The following COBLL1 variants were observed in gnomAD, a reference collection of about 807,000 sequenced individuals.
COBLL1 encodes the protein cordon-bleu protein-like 1.
In COBLL1, 50 loss-of-function variants were observed where a neutral mutation model predicts 94.8. That is an observed-to-expected ratio of 0.53 (90% CI 0.42 to 0.67). The LOEUF (loss-of-function observed/expected upper bound fraction) is 0.67, where lower values mean the gene tolerates loss of function less well. Among genes scored for constraint, COBLL1 ranks in the 30% least tolerant of loss-of-function variants. The pLI is 0.00. For missense variants in COBLL1, 1,362 were observed against 1,348.7 expected (o/e 1.01, Z -0.15); for synonymous variants, 448 against 473.8 (o/e 0.95, Z 0.71).
At position 164,682,152 on chromosome 2, in the gene COBLL1, C is replaced by G. The variant is rs375265981; in HGVS notation, c.*3794G>C. On this transcript the variant is annotated 3_prime_UTR_variant, in exon 14 of 14. Coordinates refer to ENST00000652658, the MANE Select transcript of COBLL1 (RefSeq NM_001365672.2). ...TGCTTCTGTGACCTTTGTAAAGTAG[C>G]AATCTTTGCACACCTTTTAAATATG... 3 of 152,230 alleles carry G rather than the reference C, an allele frequency of 2.0e-5. No individual in the cohort carries two copies. Among genetic ancestry groups the G allele is most frequent in the African/African-American group, 7.2e-5 (3 of 41,552 alleles). 9.4% of individuals were successfully genotyped at this position (152,230 alleles called of 1,614,324 possible).
At chr2:164,659,150 CTT>C (rs2105381197) in intron 2 of COBLL1, among the ~76,000 whole-genome samples, 1 of 152,230 alleles carries the variant, frequency 6.6e-6, no homozygotes, top group African/African-American at 2.4e-5. Flanking sequence ...TATATTTACT[CTT>C]TTTCCTTCTC....
At position 164,787,712 on chromosome 2, in the gene COBLL1, G is replaced by A. The variant is rs2105289666; in HGVS notation, c.42-43837C>T. Among the ~76,000 whole-genome samples the A allele has an allele frequency of 1.3e-5, 2 of 152,082 alleles. 1 individual carries two copies. The highest frequency in any genetic ancestry group is 4.8e-5 in the African/African-American group (2 of 41,484). ...ATTGAGTACTTGAAGAAACACCAGG[G>A]CTACACTTTCACCTGCAACCTCAAT... On this transcript the variant is annotated intron_variant, in intron 2 of 13. Transcript: ENST00000652658.
At chr2:164,719,077 A>G (rs1685319283) in intron 7 of COBLL1, among the ~76,000 whole-genome samples, 1 of 152,164 alleles carries the variant, frequency 6.6e-6, no homozygotes, top group Non-Finnish European at 1.5e-5. Flanking sequence ...AATTTCAAAG[A>G]CACATTAAGT....
chr2:164,822,660 A>G (rs1685220740), intron 2 of COBLL1, among the ~76,000 whole-genome samples: 2 of 144,254 alleles, frequency 1.4e-5, no homozygotes, highest in African/African-American at 5.1e-5. Context: ...GGAAAATTTC[A>G]ATATGGGTAG....
rs1255174024 is a variant in COBLL1, at chr2:164,684,476, GTATCTATA to G, written c.*1462_*1469del. The G allele has an allele frequency of 1.3e-5, 2 of 151,960 alleles. No individual in the cohort carries two copies. Among genetic ancestry groups the G allele is most frequent in the Non-Finnish European group, 2.9e-5 (2 of 67,976 alleles). The allele number at this position is 151,960 out of a possible 1,614,324, so 9.4% of individuals were successfully genotyped here. A position where few individuals can be genotyped will look rare whatever the true frequency, so the allele number is the denominator to read the frequency against. On this transcript the variant is annotated 3_prime_UTR_variant, in exon 14 of 14. Coordinates refer to ENST00000652658, the MANE Select transcript of COBLL1 (RefSeq NM_001365672.2). Reference sequence around the variant, plus strand: ...ACTTGCTTATAACAACATAACTTAAGTATCTATATATGAGGGTCTCTCCAACTGATTCA... The same window carrying G: ...ACTTGCTTATAACAACATAACTTAAGTATGAGGGTCTCTCCAACTGATTCA...
At chr2:164,768,552 G>A (rs1688049419) in intron 2 of COBLL1, among the ~76,000 whole-genome samples, 2 of 152,056 alleles carry the variant, frequency 1.3e-5, no homozygotes, top group Non-Finnish European at 2.9e-5. Flanking sequence ...CAGAAGCATA[G>A]CTTTCCAGAA....
At chr2:164,725,499 C>T (rs949401209) in intron 5 of COBLL1, among the ~76,000 whole-genome samples, 4 of 152,092 alleles carry the variant, frequency 2.6e-5, no homozygotes, top group African/African-American at 4.8e-5. Flanking sequence ...CTCACCACAG[C>T]CCTGACCTCC....
chr2:164,734,675 T>C (rs1686205761), intron 3 of COBLL1, among the ~76,000 whole-genome samples: 1 of 152,134 alleles, frequency 6.6e-6, no homozygotes. Flanking sequence ...GGATTGAAGC[T>C]AATGCAGAAA....
chr2:164,787,249 T>C (rs1200930068), intron 2 of COBLL1, among the ~76,000 whole-genome samples: 2 of 152,162 alleles, frequency 1.3e-5, no homozygotes, highest in Admixed American at 6.6e-5. Flanking sequence ...TTGCACTCCA[T>C]TACCACTAGG....
intron 1 of COBLL1, among the ~76,000 whole-genome samples, chr2:164,674,469 G>A (rs759380914): frequency 2.6e-5 from 4 of 152,158 alleles, no homozygotes; most frequent in Non-Finnish European, 4.4e-5. Context: ...CTGGGTTCAT[G>A]TTCTGGCTTT....
Position 164,727,203 on chromosome 2 carries a change from G to A in COBLL1, c.661+766C>T, listed in dbSNP as rs910351917. ...GACTGTGAAGATGATGTTTGTTCAAGTATAAAACATCACTGAGTTGAAAAA... is the reference window on the plus strand; with the variant it reads ...GACTGTGAAGATGATGTTTGTTCAAATATAAAACATCACTGAGTTGAAAAA... On this transcript the variant is annotated intron_variant, in intron 5 of 13. Transcript: ENST00000652658. 10 of 940,744 alleles carry A rather than the reference G, an allele frequency of 1.1e-5. No homozygotes were observed. In the African/African-American group the frequency reaches 1.7e-4, roughly 16 times the overall value. The allele number at this position is 940,744 out of a possible 1,614,324, so 58.3% of individuals were successfully genotyped here.
At chr2:164,832,948 TAGG>T (rs1413597614) in intron 2 of COBLL1, among the ~76,000 whole-genome samples, 6 of 149,022 alleles carry the variant, frequency 4.0e-5, no homozygotes, top group African/African-American at 1.5e-4. Context: ...GAGGTTGAGG[TAGG>T]AGAATTGCTT....
chr2:164,804,751 C>G (rs1216372160), intron 2 of COBLL1, among the ~76,000 whole-genome samples: 1 of 152,154 alleles, frequency 6.6e-6, no homozygotes, highest in African/African-American at 2.4e-5. Context: ...AAAACACTTA[C>G]CTGGTTTACG....
At chr2:164,735,067 G>A (rs1164435611) in intron 3 of COBLL1, among the ~76,000 whole-genome samples, 3 of 152,198 alleles carry the variant, frequency 2.0e-5, no homozygotes, top group Non-Finnish European at 4.4e-5. Flanking sequence ...TTAAGCAGCA[G>A]AGTGACCTCA....
chr2:164,728,017 G>C lies in COBLL1; in HGVS notation c.613C>G (p.Leu205Val), dbSNP rs1186439030. The stretch of plus-strand genomic sequence containing the variant: ...AATTCTCTTAGTCCCAGGTCATTAA[G>C]AGATTTTGTCAAGTCAAGAGGCTCC... ...SQEPLDLTKS[L>V]NDLGLRELYA... is the part of the protein sequence containing the mutation. The change falls in exon 5 of 14, where the codon CTT becomes GTT. Residue 205 changes from leucine to valine, a missense_variant. Physicochemically the swap from Leu to Val is conservative, Grantham distance 32. Transcript: ENST00000652658. 6.2e-7 allele frequency: 1 copy of C among 1,613,640 alleles called. No individual in the cohort carries two copies. Among genetic ancestry groups the C allele is most frequent in the Non-Finnish European group, 8.5e-7 (1 of 1,179,626 alleles).
intron 2 of COBLL1, among the ~76,000 whole-genome samples, chr2:164,797,989 C>T (rs964772952): frequency 1.3e-5 from 2 of 152,142 alleles, no homozygotes; most frequent in African/African-American, 4.8e-5. Context: ...TCAATTATTA[C>T]AGGAGATTGG....
At chr2:164,675,988 G>T (rs1691329530), downstream of COBLL1, among the ~76,000 whole-genome samples, 1 of 152,224 alleles carries the variant, frequency 6.6e-6, no homozygotes, top group South Asian at 2.1e-4. Flanking sequence ...TGAAGGACAA[G>T]ATAAAAATAG....
At chr2:164,779,724 C>T (rs1688646783) in intron 2 of COBLL1, 3 of 470,916 alleles carry the variant, frequency 6.4e-6, no homozygotes, top group Non-Finnish European at 1.3e-5. Flanking sequence ...CAAACAGAGA[C>T]CACACAGACT....
chr2:164,685,967 A>G lies in COBLL1; in HGVS notation c.3366T>C (p.Pro1122=), dbSNP rs1370927400. 1 of 1,608,288 alleles carries G rather than the reference A, an allele frequency of 6.2e-7. No individual in the cohort carries two copies. Among genetic ancestry groups the G allele is most frequent in the Non-Finnish European group, 8.5e-7 (1 of 1,175,736 alleles). ...GRSRLSHSMS[P]DAQDGH ...ACATTTAATGGCCGTCCTGGGCATC[A>G]GGGGACATGGAATGGCTGAGTCTTG... Residue 1122 remains proline (P), a synonymous_variant, in exon 14 of 14, where the codon CCT becomes CCC. Coordinates refer to ENST00000652658, the MANE Select transcript of COBLL1 (RefSeq NM_001365672.2).
Sources: allele counts gnomAD v4.1 joint callset (sites outside exome capture counted in the v4.1 genomes callset), GRCh38; gene constraint gnomAD v4.1.1; transcripts MANE v1.5; gene names NCBI Gene and HGNC (gene_info 2026-07-23, HGNC 2026-07-21).